SLMAP: variants seen among roughly 807,000 people sequenced by gnomAD.
SLMAP encodes the protein sarcolemma associated protein.
In SLMAP, 44 loss-of-function variants were observed where a neutral mutation model predicts 128.8. The observed-to-expected ratio is 0.34, with a 90% CI of 0.27 to 0.44. The LOEUF is 0.44. Ranked by LOEUF, SLMAP falls within the 20% of genes least tolerant of loss-of-function variation. The probability of loss-of-function intolerance (pLI) is 1.00; values close to 1 mark genes in which losing one functional copy is unlikely to be tolerated. For missense variants in SLMAP, 787 were observed against 985.3 expected, an observed-to-expected ratio of 0.80 and a Z score of 2.69; for synonymous variants, 327 against 348.8, an observed-to-expected ratio of 0.94 and a Z score of 0.70.
chr3:57,823,976 A>G (rs2092734268), intron 2 of SLMAP, among the ~76,000 whole-genome samples: 1 of 152,276 alleles, frequency 6.6e-6, no homozygotes, highest in South Asian at 2.1e-4. Context: ...GCCAGTGATG[A>G]TGAGCATTTT....
At chr3:57,906,304 T>TTTTTCTTTTTTTTC (rs373233450) in intron 17 of SLMAP, among the ~76,000 whole-genome samples, 59 of 113,554 alleles carry the variant, frequency 5.2e-4, no homozygotes, top group African/African-American at 1.8e-3. Context: ...TTTTTTCTTT[T>TTTTTCTTTTTTTTC]TTTTTCTTTT....
At chr3:57,815,433 C>G (rs910952497) in intron 2 of SLMAP, among the ~76,000 whole-genome samples, 30 of 151,856 alleles carry the variant, frequency 2.0e-4, no homozygotes, top group Non-Finnish European at 4.0e-4. Flanking sequence ...TCCTTCTATG[C>G]AGTAGTACAC....
At chr3:57,858,801 G>A (rs2094908915) in intron 8 of SLMAP, among the ~76,000 whole-genome samples, 1 of 152,068 alleles carries the variant, frequency 6.6e-6, no homozygotes, top group Non-Finnish European at 1.5e-5. Flanking sequence ...AATTAGCCGG[G>A]CATGGTGGCA....
At chr3:57,790,021 G>C (rs1271957762) in intron 2 of SLMAP, among the ~76,000 whole-genome samples, 2 of 152,050 alleles carry the variant, frequency 1.3e-5, no homozygotes. Flanking sequence ...ATTTTTAGTA[G>C]AGACGGGGTT....
At chr3:57,876,778 A>C (rs1019054166) in intron 14 of SLMAP, among the ~76,000 whole-genome samples, 12 of 152,252 alleles carry the variant, frequency 7.9e-5, no homozygotes, top group African/African-American at 2.9e-4. Flanking sequence ...CGTGGTGGAA[A>C]GATGAAGGGT....
intron 14 of SLMAP, among the ~76,000 whole-genome samples, chr3:57,874,013 C>T (rs1316608356): frequency 6.6e-6 from 1 of 152,162 alleles, no homozygotes; most frequent in Non-Finnish European, 1.5e-5. Context: ...ATCCCAGCTA[C>T]TCAGGAGGCT....
rs532080242 is a variant in SLMAP at position 57,777,155 on chromosome 3, C to T, written c.198+19306C>T. Among the ~76,000 whole-genome samples the T allele has an allele frequency of 4.6e-5, 7 of 150,786 alleles. No individual in the cohort carries two copies. In the East Asian group the frequency reaches 5.9e-4, roughly 13 times the overall value. ...AGGATATATACCTAATGCTAAATGA[C>T]GAGTTAATGGGTGCAGCACACCAGC... On this transcript the variant is annotated intron_variant, in intron 2 of 24. Transcript: ENST00000671191.
intron 2 of SLMAP, among the ~76,000 whole-genome samples, chr3:57,827,207 C>G (rs2092988253): frequency 6.6e-6 from 1 of 152,164 alleles, no homozygotes; most frequent in Non-Finnish European, 1.5e-5. Context: ...TGTTATTCAT[C>G]TGTTGGTGTT....
intron 17 of SLMAP, among the ~76,000 whole-genome samples, chr3:57,906,310 C>CCTTTTTTTTTT (rs2096547779): frequency 2.1e-5 from 1 of 47,048 alleles, no homozygotes; most frequent in African/African-American, 7.1e-5. Flanking sequence ...CTTTTTTTTT[C>CCTTTTTTTTTT]TTTTTTTTTT....
chr3:57,885,166 AG>A (rs1326096394), intron 14 of SLMAP, among the ~76,000 whole-genome samples: 1 of 145,316 alleles, frequency 6.9e-6, no homozygotes, highest in African/African-American at 2.6e-5. Flanking sequence ...TCCACCACCC[AG>A]GTTCAAGCAA....
chr3:57,865,286 G>A lies in SLMAP; in HGVS notation c.1231G>A (p.Glu411Lys). Residue 411 changes from glutamate to lysine, a missense_variant, in exon 13 of 25, where the codon GAA becomes AAA. Around this residue, in one of 2 missense-constraint regions of SLMAP, gnomAD observed 715 missense variants for 843.6 expected, o/e 0.85. Transcript: ENST00000671191. ...DFLPKINGST[E>K]KEHLLSKSGG... ...CTTACCTAAAATAAATGGGAGCACA[G>A]AAAAAGGTAGTGTAAAAAACTTAAA... 6.9e-7 allele frequency: 1 copy of A among 1,449,330 alleles called. No individual in the cohort carries two copies. The highest frequency in any genetic ancestry group is 1.3e-5 in the South Asian group (1 of 79,212). The allele number at this position is 1,449,330 out of a possible 1,614,324, so 89.8% of individuals were successfully genotyped here. A position where few individuals can be genotyped will look rare whatever the true frequency, so the allele number is the denominator to read the frequency against.
intron 2 of SLMAP, among the ~76,000 whole-genome samples, chr3:57,821,702 A>G (rs1254484569): frequency 6.6e-6 from 1 of 152,188 alleles, no homozygotes; most frequent in Non-Finnish European, 1.5e-5. Flanking sequence ...CAGCTGCTAG[A>G]TCATCAAAGC....
chr3:57,760,883 A>G (rs1249557312), intron 2 of SLMAP, among the ~76,000 whole-genome samples: 1 of 151,890 alleles, frequency 6.6e-6, no homozygotes, highest in East Asian at 1.9e-4. Context: ...ATGCGCCACC[A>G]CGCGTGGCTA....
At chr3:57,827,987 CCCAGG>C (rs1344935211) in intron 2 of SLMAP, among the ~76,000 whole-genome samples, 1 of 152,176 alleles carries the variant, frequency 6.6e-6, no homozygotes, top group Non-Finnish European at 1.5e-5. Flanking sequence ...CACTCTATTG[CCCAGG>C]CTGAAGTGTG....
At position 57,909,168 on chromosome 3, in the gene SLMAP, G is replaced by T. The variant is rs201111677; in HGVS notation, c.1699+18G>T. The T allele has an allele frequency of 1.9e-5, 29 of 1,554,390 alleles. No homozygotes were observed. The highest frequency in any genetic ancestry group is 4.5e-5 in the East Asian group (2 of 44,464). ...TCTTCAAGGTATGGAAGACCCCAAG[G>T]CTCTTTGAGATTGTTATTGTGTGTT... is the stretch of plus-strand genomic sequence containing the variant. On this transcript the variant is annotated intron_variant, in intron 19 of 24. Coordinates refer to ENST00000671191, the MANE Select transcript of SLMAP (RefSeq NM_001377540.1).
chr3:57,765,735 T>G (rs2079538806), intron 2 of SLMAP, among the ~76,000 whole-genome samples: 1 of 152,190 alleles, frequency 6.6e-6, no homozygotes, highest in Non-Finnish European at 1.5e-5. Flanking sequence ...GAGAAAGTCT[T>G]TTACTTGACA....
intron 6 of SLMAP, among the ~76,000 whole-genome samples, chr3:57,854,114 T>C (rs1441700407): frequency 6.8e-6 from 1 of 146,212 alleles, no homozygotes. Flanking sequence ...TTTGGATATA[T>C]ATATCTTTGG....
chr3:57,806,912 T>C (rs2089999623), intron 2 of SLMAP, among the ~76,000 whole-genome samples: 1 of 152,200 alleles, frequency 6.6e-6, no homozygotes, highest in Admixed American at 6.5e-5. Context: ...AATGGTATTT[T>C]TGGTTATAGA....
intron 6 of SLMAP, among the ~76,000 whole-genome samples, chr3:57,853,955 T>TTATTTATA (rs1553880926): frequency 3.4e-4 from 11 of 31,938 alleles, no homozygotes; most frequent in South Asian, 1.4e-3. Flanking sequence ...AAAAAAAAAA[T>TTATTTATA]TATATATATA....
Sources: gnomAD v4.1 joint callset for allele counts (sites outside exome capture counted in the v4.1 genomes callset) on GRCh38, gnomAD v4.1.1 for gene constraint, gnomAD v4.1.1 regional missense constraint, MANE v1.5 for transcripts, NCBI Gene and HGNC (gene_info 2026-07-23, HGNC 2026-07-21) for gene names.